The following GLIPR1L2 variants were observed in gnomAD, a reference collection of about 807,000 sequenced individuals.
GLIPR1L2 encodes the protein GLIPR1-like protein 2.
A neutral mutation model predicts 28.4 loss-of-function variants in GLIPR1L2; 21 were observed. That is an observed-to-expected ratio of 0.74 (90% CI 0.52 to 1.06). The LOEUF is 1.06. GLIPR1L2 is among the 50% of genes least tolerant of loss of function. The pLI is 0.00. For missense variants in GLIPR1L2, 476 were observed against 416.9 expected, an observed-to-expected ratio of 1.14 and a Z score of -1.23; for synonymous variants, 145 against 139.3, an observed-to-expected ratio of 1.04 and a Z score of -0.29.
chr12:75,410,295 A>G (rs1268631370), intron 1 of GLIPR1L2, 139 bp from the exon 2 acceptor site: 11 of 733,756 alleles, frequency 1.5e-5, no homozygotes, highest in Non-Finnish European at 2.3e-5. Flanking sequence ...AGTTTTTCCC[A>G]GCAGAAATTT....
chr12:75,428,540 G>T (rs1469627935), intron 4 of GLIPR1L2, among the ~76,000 whole-genome samples: 1 of 151,882 alleles, frequency 6.6e-6, no homozygotes, highest in Non-Finnish European at 1.5e-5. Flanking sequence ...TTTTTTTTCT[G>T]GGGAGAAATT....
At chr12:75,427,056 T>C (rs1007109553) in intron 4 of GLIPR1L2, among the ~76,000 whole-genome samples, 1 of 151,840 alleles carries the variant, frequency 6.6e-6, no homozygotes, top group Non-Finnish European at 1.5e-5. Flanking sequence ...CAAGAAATAT[T>C]GGAAACATAC....
At chr12:75,420,369 T>A (rs2045964907) in intron 3 of GLIPR1L2, among the ~76,000 whole-genome samples, 1 of 152,188 alleles carries the variant, frequency 6.6e-6, no homozygotes, top group African/African-American at 2.4e-5. Flanking sequence ...AGACTGTGTA[T>A]CTATATCAAA....
intron 1 of GLIPR1L2, among the ~76,000 whole-genome samples, chr12:75,405,285 G>T (rs1025946251): frequency 2.0e-5 from 3 of 152,178 alleles, no homozygotes; most frequent in African/African-American, 2.4e-5. Flanking sequence ...TACTGCTTGA[G>T]ACCATCACTA....
intron 3 of GLIPR1L2, among the ~76,000 whole-genome samples, chr12:75,414,953 A>G (rs1208653781): frequency 6.6e-6 from 1 of 152,124 alleles, no homozygotes; most frequent in Non-Finnish European, 1.5e-5. Context: ...ACAATAAAAT[A>G]TACTGTAAAA....
At chr12:75,430,230 A>G (rs938781025) in intron 4 of GLIPR1L2, among the ~76,000 whole-genome samples, 2 of 152,170 alleles carry the variant, frequency 1.3e-5, no homozygotes, top group African/African-American at 2.4e-5. Context: ...TAGTTAACTA[A>G]AAATATTGAA....
chr12:75,410,752 A>T, intron 2 of GLIPR1L2, 73 bp downstream of exon 2: 1 of 1,105,878 alleles, frequency 9.0e-7, no homozygotes, highest in African/African-American at 1.6e-5. Flanking sequence ...TTATGTTTCA[A>T]ATTTGTACAT....
At chr12:75,418,516 C>G (rs4565940) in intron 3 of GLIPR1L2, among the ~76,000 whole-genome samples, 52,983 of 151,880 alleles carry the variant, frequency 0.35, 9,603 homozygotes, top group East Asian at 0.46. Flanking sequence ...TTGTTTATGT[C>G]AGGTTTTTCA....
intron 3 of GLIPR1L2, among the ~76,000 whole-genome samples, chr12:75,422,305 CTTT>C (rs34747987): frequency 2.3e-5 from 3 of 129,292 alleles, no homozygotes; most frequent in Admixed American, 7.7e-5. Flanking sequence ...CTACATCATT[CTTT>C]TTTTTTTTTT....
At chr12:75,413,852 TAA>T (rs1245134493) in intron 3 of GLIPR1L2, 151 bp downstream of exon 3, 2 of 460,316 alleles carry the variant, frequency 4.3e-6, no homozygotes, top group African/African-American at 4.1e-5. Flanking sequence ...TATAATGAAA[TAA>T]GTCTTAAATT....
intron 3 of GLIPR1L2, among the ~76,000 whole-genome samples, chr12:75,417,428 G>A (rs2045934152): frequency 6.6e-6 from 1 of 152,106 alleles, no homozygotes; most frequent in Non-Finnish European, 1.5e-5. Flanking sequence ...AACAGTGAGA[G>A]AATAAATTAA....
intron 1 of GLIPR1L2, among the ~76,000 whole-genome samples, chr12:75,399,386 TC>T (rs536910038): frequency 6.6e-4 from 101 of 152,294 alleles, no homozygotes; most frequent in Non-Finnish European, 1.2e-3. Context: ...TAATATTGCT[TC>T]ATCCATACAT....
Position 75,394,922 on chromosome 12 carries a change from G to C in GLIPR1L2, c.234+3572G>C, listed in dbSNP as rs185406360. Among the ~76,000 whole-genome samples the C allele has an allele frequency of 2.2e-4, 34 of 151,712 alleles. No individual in the cohort carries two copies. The East Asian group carries it at 6.4e-3, about 28-fold the overall frequency. ...CTAATATCCACCTTAATTTCTTTCA[G>C]TAATATTTTATTTTCAGTATATATG... On this transcript the variant is annotated intron_variant, in intron 1 of 5. Transcript: ENST00000550916.
intron 3 of GLIPR1L2, among the ~76,000 whole-genome samples, chr12:75,420,205 G>A (rs1251664458): frequency 1.3e-5 from 2 of 152,144 alleles, no homozygotes; most frequent in African/African-American, 4.8e-5. Context: ...AGTCTGGATG[G>A]AGAACTTTGA....
intron 1 of GLIPR1L2, among the ~76,000 whole-genome samples, chr12:75,401,821 A>G (rs2045744941): frequency 6.6e-6 from 1 of 152,102 alleles, no homozygotes; most frequent in Non-Finnish European, 1.5e-5. Context: ...ATCAAAACAC[A>G]TGACATAAAT....
At chr12:75,391,516 G>C (rs2045595936) in intron 1 of GLIPR1L2, 166 bp downstream of exon 1, 1 of 1,533,964 alleles carries the variant, frequency 6.5e-7, no homozygotes, top group Non-Finnish European at 8.7e-7. Flanking sequence ...GAAAAACTGC[G>C]GACACTCTAA....
intron 3 of GLIPR1L2, among the ~76,000 whole-genome samples, chr12:75,417,599 T>A (rs1014849206): frequency 2.0e-5 from 3 of 151,912 alleles, no homozygotes; most frequent in Middle Eastern, 6.8e-3. Flanking sequence ...AGAATAGAGG[T>A]CAAAATATAT....
rs1285509947 is a variant in GLIPR1L2, at chr12:75,431,211, T to C, written c.*50T>C. On this transcript the variant is annotated 3_prime_UTR_variant, in exon 6 of 6. Coordinates refer to ENST00000550916, the MANE Select transcript of GLIPR1L2 (RefSeq NM_001270396.2). ...GTATCACCAATATAAACCAAAAGTG[T>C]AATACAAAAAAAGACAGAAAAAAAA... The C allele has an allele frequency of 3.6e-6, 2 of 550,942 alleles. No homozygotes were observed. The highest frequency in any genetic ancestry group is 6.3e-6 in the Non-Finnish European group (2 of 315,446). 34.1% of individuals were successfully genotyped at this position (550,942 alleles called of 1,614,324 possible).
rs572135566 is a variant in GLIPR1L2 at position 75,421,653 on chromosome 12, A to G, written c.585-1251A>G. 2.0e-5 allele frequency among the ~76,000 whole-genome samples: 3 copies of G among 152,210 alleles called. No homozygotes were observed. In the East Asian group the frequency reaches 5.8e-4, roughly 29 times the overall value. ...TTCTTATCCTAGATCATTTATTTAA[A>G]TTTCCCAATTTAAAAGTACTTTAGG... On this transcript the variant is annotated intron_variant, in intron 3 of 5. Transcript: ENST00000550916.
Sources: allele counts gnomAD v4.1 joint callset (sites outside exome capture counted in the v4.1 genomes callset), GRCh38; gene constraint gnomAD v4.1.1; transcripts MANE v1.5; gene names NCBI Gene and HGNC (gene_info 2026-07-23, HGNC 2026-07-21).